Variants in MANF observed in about 807,000 individuals in gnomAD.
MANF encodes mesencephalic astrocyte derived neurotrophic factor, also known as mesencephalic astrocyte-derived neurotrophic factor.
In MANF, 9 loss-of-function variants were observed where a neutral mutation model predicts 19.1. The ratio of observed to expected loss-of-function variants is 0.47; its 90% CI spans 0.28 to 0.82. MANF has a LOEUF of 0.82. Among genes scored for constraint, MANF ranks in the 40% least tolerant of loss-of-function variants. The probability of loss-of-function intolerance (pLI) is 0.10; values close to 1 mark genes in which losing one functional copy is unlikely to be tolerated. For synonymous variants in MANF, 89 were observed against 88.0 expected, an observed-to-expected ratio of 1.01 and a Z score of -0.06; for missense variants, 225 against 226.7, an observed-to-expected ratio of 0.99 and a Z score of 0.05.
chr3:51,386,533 T>C (rs1444265708), intron 2 of MANF, among the ~76,000 whole-genome samples, 198 bp downstream of exon 2: 6 of 152,248 alleles, frequency 3.9e-5, no homozygotes, highest in African/African-American at 1.4e-4. Context: ...TTTTTTTTTA[T>C]CCTGTTAGTC....
At chr3:51,387,177 AGGCGTGGT>A (rs1224684214) in intron 2 of MANF, 1 of 323,192 alleles carries the variant, frequency 3.1e-6, no homozygotes, top group African/African-American at 2.2e-5. Flanking sequence ...TTTTTAGGCT[AGGCGTGGT>A]GGCTCACACC....
At chr3:51,386,371 C>T (rs781977839) in intron 2 of MANF, 36 bp downstream of exon 2, 2 of 1,611,764 alleles carry the variant, frequency 1.2e-6, no homozygotes, top group Non-Finnish European at 1.7e-6. Context: ...CTGGCCCTGG[C>T]TCATGTTAAC....
rs782087534 is a variant in MANF, at chr3:51,389,026, G to T, written c.486G>T (p.Arg162=). The change falls in exon 4 of 4, where the codon CGG becomes CGT. Residue 162 remains arginine (R), a synonymous_variant. Transcript: ENST00000528157. ...KGCAEKSDYI[R]KINELMPKYA... ...GTGCAGAAAAGTCTGACTACATCCG[G>T]AAGATAAATGAACTGATGCCTAAAT... The T allele has an allele frequency of 1.9e-6, 3 of 1,612,208 alleles. No individual in the cohort carries two copies. In the South Asian group the frequency reaches 3.3e-5, roughly 18 times the overall value.
chr3:51,386,100 T>C (rs2088956654), intron 1 of MANF, 108 bp from the exon 2 acceptor site: 2 of 1,230,450 alleles, frequency 1.6e-6, no homozygotes, highest in East Asian at 5.0e-5. Context: ...AGCTCACCTC[T>C]AATGATTCAT....
At chr3:51,388,866 C>T (rs782339114) in intron 3 of MANF, 39 bp from the exon 4 acceptor site, 44 of 1,476,108 alleles carry the variant, frequency 3.0e-5, no homozygotes, top group Non-Finnish European at 3.7e-5. Flanking sequence ...ACTGCAGGTG[C>T]TCCACCCAGT....
intron 1 of MANF, chr3:51,385,842 G>A (rs1020887685): frequency 1.1e-5 from 3 of 272,078 alleles, no homozygotes; most frequent in African/African-American, 6.6e-5. Flanking sequence ...TTGGAAATTA[G>A]CAGCAGCATT....
In MANF at chr3:51,386,996, A is replaced by C. The variant is rs2088968595; in HGVS notation, c.222+661A>C. On this transcript the variant is annotated intron_variant, in intron 2 of 3. Transcript: ENST00000528157. ...AAGAGTCCAGGGTTTACACTGGCTGAATCTGACTACCAGTACAGGCAGGGC... is the reference window on the plus strand; with the variant it reads ...AAGAGTCCAGGGTTTACACTGGCTGCATCTGACTACCAGTACAGGCAGGGC... 3 of 455,686 alleles carry C rather than the reference A, an allele frequency of 6.6e-6. No individual in the cohort carries two copies. The Admixed American group carries it at 7.1e-5, about 11-fold the overall frequency. 28.2% of individuals were successfully genotyped at this position (455,686 alleles called of 1,614,324 possible).
intron 1 of MANF, 36 bp downstream of exon 1, chr3:51,385,472 C>T: frequency 8.6e-7 from 1 of 1,166,108 alleles, no homozygotes; most frequent in Non-Finnish European, 1.1e-6. Context: ...CGCTCCGTGA[C>T]CGTTCTGGCG....
Position 51,389,154 on chromosome 3 carries a change from C to G in MANF, c.*65C>G. 1 of 1,442,532 alleles carries G rather than the reference C, an allele frequency of 6.9e-7. No homozygotes were observed. The highest frequency in any genetic ancestry group is 9.4e-7 in the Non-Finnish European group (1 of 1,058,778). The allele number at this position is 1,442,532 out of a possible 1,614,324, so 89.4% of individuals were successfully genotyped here. ...TTCAACTGCTTACTCCCAAAACAGCCTTTTTGTAATTTATTTTTTAAGTGG... is the reference window on the plus strand; with the variant it reads ...TTCAACTGCTTACTCCCAAAACAGCGTTTTTGTAATTTATTTTTTAAGTGG... On this transcript the variant is annotated 3_prime_UTR_variant, in exon 4 of 4. Coordinates refer to ENST00000528157, the MANE Select transcript of MANF (RefSeq NM_006010.6).
In MANF at chr3:51,386,947, G is replaced by C. The variant is rs1553620977; in HGVS notation, c.222+612G>C. On this transcript the variant is annotated intron_variant, in intron 2 of 3. Transcript: ENST00000528157. ...TGACACTTAAATTCATTTGGTGGCTGTCAGCTTGGACTGAGCATGTGTTAA... is the reference window on the plus strand; with the variant it reads ...TGACACTTAAATTCATTTGGTGGCTCTCAGCTTGGACTGAGCATGTGTTAA... 6.6e-6 allele frequency: 3 copies of C among 456,658 alleles called. No homozygotes were observed. In the East Asian group the frequency reaches 2.1e-4, roughly 32 times the overall value. 28.3% of individuals were successfully genotyped at this position (456,658 alleles called of 1,614,324 possible). A position where few individuals can be genotyped will look rare whatever the true frequency, so the allele number is the denominator to read the frequency against.
At position 51,388,915 on chromosome 3, in the gene MANF, C is replaced by T. The variant is rs1553621151; in HGVS notation, c.375C>T (p.Ile125=). The part of the protein sequence containing the change: ...QICELKYDKQ[I]DLSTVDLKKL... ...TGCTCTCTCCTCCAGACAAGCAGAT[C>T]GACCTGAGCACAGTGGACCTGAAGA... Residue 125 remains isoleucine, a synonymous_variant, in exon 4 of 4, where the codon ATC becomes ATT. Transcript: ENST00000528157. 1 of 1,570,508 alleles carries T rather than the reference C, an allele frequency of 6.4e-7. No homozygotes were observed. Among genetic ancestry groups the T allele is most frequent in the Non-Finnish European group, 8.6e-7 (1 of 1,158,310 alleles).
At position 51,385,374 on chromosome 3, in the gene MANF, C is replaced by T. The variant is rs1040450085; in HGVS notation, c.32C>T (p.Ala11Val). Reference sequence around the variant, plus strand: ...AGGATGTGGGCCACGCAGGGGCTGGCGGTGGCGCTGGCTCTGAGCGTGCTG... The same window carrying T: ...AGGATGTGGGCCACGCAGGGGCTGGTGGTGGCGCTGGCTCTGAGCGTGCTG... The part of the protein sequence containing the change: MRRMWATQGL[A>V]VALALSVLPG... The change falls in exon 1 of 4, where the codon GCG (alanine) becomes GTG (valine). Residue 11 changes from alanine (A) to valine (V), a missense_variant. By Grantham distance (64) the Ala-to-Val change is moderately conservative (BLOSUM62 0). Transcript: ENST00000528157. 2.4e-6 allele frequency: 3 copies of T among 1,239,730 alleles called. No individual in the cohort carries two copies. Among genetic ancestry groups the T allele is most frequent in the Non-Finnish European group, 3.0e-6 (3 of 989,934 alleles). 76.8% of individuals were successfully genotyped at this position (1,239,730 alleles called of 1,614,324 possible).
chr3:51,387,928 T>C, intron 3 of MANF, 50 bp downstream of exon 3: 1 of 1,593,862 alleles, frequency 6.3e-7, no homozygotes, highest in Non-Finnish European at 8.6e-7. Flanking sequence ...CTTCTGGGTT[T>C]GTTTCCCATC....
At chr3:51,386,132 T>C in intron 1 of MANF, 76 bp from the exon 2 acceptor site, 9 of 1,506,506 alleles carry the variant, frequency 6.0e-6, no homozygotes, top group Non-Finnish European at 8.2e-6. Flanking sequence ...CTATTAAAAT[T>C]GCTGGCGGAG....
In MANF at chr3:51,386,302, C is replaced by G. The variant is rs1264025072; in HGVS notation, c.189C>G (p.Phe63Leu). 6.2e-7 allele frequency: 1 copy of G among 1,613,858 alleles called. No individual in the cohort carries two copies. Among genetic ancestry groups the G allele is most frequent in the Admixed American group, 1.7e-5 (1 of 59,994 alleles). The change falls in exon 2 of 4, where the codon TTC becomes TTG. Residue 63 changes from phenylalanine (F) to leucine (L), a missense_variant. Coordinates refer to ENST00000528157, the MANE Select transcript of MANF (RefSeq NM_006010.6). ...PATIENELIK[F>L]CREARGKENR... is the part of the protein sequence containing the mutation. ...CTATTGAAAACGAACTTATAAAGTT[C>G]TGCCGGGAAGCAAGAGGCAAAGAGA...
rs1341881181 is a variant in MANF at position 51,386,245 on chromosome 3, C to T, written c.132C>T (p.Leu44=). The change falls in exon 2 of 4, where the codon CTC becomes CTT. Residue 44 remains leucine, a synonymous_variant. Coordinates refer to ENST00000528157, the MANE Select transcript of MANF (RefSeq NM_006010.6). ...ATCTGGGAAGATTTTACCAGGACCT[C>T]AAAGACAGAGATGTCACATTCTCAC... is the stretch of plus-strand genomic sequence containing the variant. ...ISYLGRFYQD[L]KDRDVTFSPA... 6.2e-7 allele frequency: 1 copy of T among 1,613,456 alleles called. No homozygotes were observed. Among genetic ancestry groups the T allele is most frequent in the East Asian group, 2.2e-5 (1 of 44,894 alleles).
At chr3:51,387,628 C>A in intron 2 of MANF, 109 bp from the exon 3 acceptor site, 1 of 1,097,314 alleles carries the variant, frequency 9.1e-7, no homozygotes, top group South Asian at 1.5e-5. Context: ...AGCCCTATCT[C>A]AAAACACAAG....
At chr3:51,387,937 T>G in intron 3 of MANF, 59 bp downstream of exon 3, 1 of 1,557,596 alleles carries the variant, frequency 6.4e-7, no homozygotes, top group Non-Finnish European at 8.8e-7. Flanking sequence ...TTGTTTCCCA[T>G]CTGGGAGAGG....
Position 51,385,336 on chromosome 3 carries a change from G to A in MANF, c.-7G>A, listed in dbSNP as rs1553620670. The A allele has an allele frequency of 8.2e-7, 1 of 1,222,854 alleles. No homozygotes were observed. The highest frequency in any genetic ancestry group is 1.0e-6 in the Non-Finnish European group (1 of 981,088). The allele number at this position is 1,222,854 out of a possible 1,614,324, so 75.8% of individuals were successfully genotyped here. A position where few individuals can be genotyped will look rare whatever the true frequency, so the allele number is the denominator to read the frequency against. ...GGAGGAGGAGGAGGAGGAGGAGGAT[G>A]AGGAGGATGAGGAGGATGTGGGCCA... On this transcript the variant is annotated 5_prime_UTR_variant, in exon 1 of 4. The change abolishes an upstream ATG in the 5' untranslated region. Coordinates refer to ENST00000528157, the MANE Select transcript of MANF (RefSeq NM_006010.6).
Sources: allele counts gnomAD v4.1 joint callset (sites outside exome capture counted in the v4.1 genomes callset), GRCh38; gene constraint gnomAD v4.1.1; transcripts MANE v1.5; gene names NCBI Gene and HGNC (gene_info 2026-07-23, HGNC 2026-07-21).